Variants in NRG3 observed in about 807,000 individuals in gnomAD.
NRG3 encodes neuregulin 3.
Under a neutral mutation model 66.9 loss-of-function variants are expected in NRG3, and 31 were observed. The ratio of observed to expected loss-of-function variants is 0.46; its 90% CI spans 0.35 to 0.63. NRG3 has a LOEUF of 0.63. Among genes scored for constraint, NRG3 ranks in the 20% least tolerant of loss-of-function variants. NRG3 has a pLI of 0.00. For synonymous variants in NRG3, 393 were observed against 359.4 expected (o/e 1.09, Z -1.06); for missense variants, 910 against 878.9 (o/e 1.04, Z -0.45).
chr10:82,041,828 C>CTCTG (rs1216159085), intron 1 of NRG3, among the ~76,000 whole-genome samples: 4 of 94,856 alleles, frequency 4.2e-5, no homozygotes, highest in Admixed American at 1.2e-4. Context: ...CTCTCTCTCT[C>CTCTG]TGTCTATTTC....
chr10:82,591,341 T>C (rs1468876667), intron 2 of NRG3, among the ~76,000 whole-genome samples: 2 of 152,212 alleles, frequency 1.3e-5, no homozygotes, highest in Non-Finnish European at 2.9e-5. Context: ...ATGATAATGA[T>C]ACAAAATACT....
chr10:82,543,925 A>G (rs2043722023), intron 2 of NRG3, among the ~76,000 whole-genome samples: 2 of 152,204 alleles, frequency 1.3e-5, no homozygotes, highest in Admixed American at 1.3e-4. Context: ...GGATATGACA[A>G]CTAAGCAAAG....
chr10:82,951,088 G>T (rs890883665), intron 4 of NRG3, among the ~76,000 whole-genome samples: 1 of 152,116 alleles, frequency 6.6e-6, no homozygotes, highest in Non-Finnish European at 1.5e-5. Flanking sequence ...AAATTAGAAG[G>T]CATCACTGCC....
intron 1 of NRG3, among the ~76,000 whole-genome samples, chr10:82,202,034 A>G (rs959958253): frequency 6.6e-6 from 1 of 152,230 alleles, no homozygotes; most frequent in Admixed American, 6.5e-5. Context: ...TATTTCTTGA[A>G]GACCTACTGA....
intron 4 of NRG3, among the ~76,000 whole-genome samples, chr10:82,897,068 C>T (rs1490765019): frequency 3.9e-5 from 6 of 152,128 alleles, no homozygotes; most frequent in Non-Finnish European, 7.3e-5. Flanking sequence ...TTTATCATCA[C>T]GATACACTGT....
At chr10:82,209,187 A>G (rs556487397) in intron 1 of NRG3, among the ~76,000 whole-genome samples, 1 of 152,306 alleles carries the variant, frequency 6.6e-6, no homozygotes, top group East Asian at 1.9e-4. Context: ...TGCTTGGCAC[A>G]CAGCTAAAGT....
intron 3 of NRG3, among the ~76,000 whole-genome samples, chr10:82,847,183 A>G (rs1331183320): frequency 3.3e-5 from 5 of 152,222 alleles, no homozygotes; most frequent in Non-Finnish European, 7.3e-5. Flanking sequence ...GCATGTGGCA[A>G]TTAAATCTGT....
intron 1 of NRG3, among the ~76,000 whole-genome samples, chr10:81,973,970 T>C (rs1250881321): frequency 6.6e-6 from 1 of 152,108 alleles, no homozygotes; most frequent in Non-Finnish European, 1.5e-5. Context: ...TCTTCCTCAT[T>C]AAATTTTTGT....
chr10:82,591,377 G>T (rs1370680644), intron 2 of NRG3, among the ~76,000 whole-genome samples: 1 of 152,176 alleles, frequency 6.6e-6, no homozygotes, highest in Non-Finnish European at 1.5e-5. Flanking sequence ...TTTAAGTGCA[G>T]TCAAACTTGG....
chr10:81,938,733 C>G (rs1030923411), intron 1 of NRG3, among the ~76,000 whole-genome samples: 1 of 151,540 alleles, frequency 6.6e-6, no homozygotes, highest in South Asian at 2.1e-4. Context: ...TCCTTTTCAC[C>G]TGTTGGTGCC....
chr10:82,522,768 G>A (rs1425159289), intron 2 of NRG3, among the ~76,000 whole-genome samples: 1 of 151,228 alleles, frequency 6.6e-6, no homozygotes, highest in African/African-American at 2.4e-5. Context: ...ATTTCTAATA[G>A]CTTTATTGAG....
chr10:82,087,162 G>T (rs1273911454), intron 1 of NRG3, among the ~76,000 whole-genome samples: 1 of 152,088 alleles, frequency 6.6e-6, no homozygotes, highest in Non-Finnish European at 1.5e-5. Context: ...GCAGAAGGAG[G>T]ACAGGCTGGT....
At chr10:82,175,121 G>A (rs2072930723) in intron 1 of NRG3, among the ~76,000 whole-genome samples, 1 of 151,934 alleles carries the variant, frequency 6.6e-6, no homozygotes, top group South Asian at 2.1e-4. Context: ...ACCCTTATAT[G>A]GCCTTGCTAC....
chr10:82,702,928 T>G (rs918061824), intron 2 of NRG3, among the ~76,000 whole-genome samples: 3 of 152,176 alleles, frequency 2.0e-5, no homozygotes, highest in African/African-American at 7.2e-5. Flanking sequence ...AAATGGTATA[T>G]GTATAATAAT....
intron 7 of NRG3, 112 bp from the exon 8 acceptor site, chr10:82,978,838 G>C: frequency 8.8e-7 from 1 of 1,135,400 alleles, no homozygotes; most frequent in Non-Finnish European, 1.3e-6. Context: ...CTAGAACTTT[G>C]AGAATTTGGG....
At chr10:82,599,872 C>A (rs1277968373) in intron 2 of NRG3, among the ~76,000 whole-genome samples, 1 of 151,972 alleles carries the variant, frequency 6.6e-6, no homozygotes, top group Non-Finnish European at 1.5e-5. Flanking sequence ...TGAATCAATC[C>A]AAACCAGAAA....
chr10:82,645,587 G>A (rs2050875874), intron 2 of NRG3, among the ~76,000 whole-genome samples: 1 of 152,090 alleles, frequency 6.6e-6, no homozygotes, highest in African/African-American at 2.4e-5. Flanking sequence ...TATTTCTATG[G>A]TTTGTGCTGT....
intron 1 of NRG3, among the ~76,000 whole-genome samples, chr10:81,962,992 C>G (rs1290154554): frequency 6.6e-6 from 1 of 152,126 alleles, no homozygotes; most frequent in Non-Finnish European, 1.5e-5. Context: ...GTCACACAGC[C>G]TGCTCAGAGT....
At chr10:82,824,208 AT>A (rs2062080501) in intron 3 of NRG3, among the ~76,000 whole-genome samples, 1 of 152,290 alleles carries the variant, frequency 6.6e-6, no homozygotes, top group East Asian at 1.9e-4. Flanking sequence ...TTGCAACACC[AT>A]TTCATTATTT....
Sources: allele counts gnomAD v4.1 joint callset (sites outside exome capture counted in the v4.1 genomes callset), GRCh38; gene constraint gnomAD v4.1.1; transcripts MANE v1.5; gene names NCBI Gene and HGNC (gene_info 2026-07-23, HGNC 2026-07-21).